The following DOCK8 variants were observed in gnomAD, a reference collection of about 807,000 sequenced individuals.
DOCK8 encodes dedicator of cytokinesis 8.
In DOCK8, 141 loss-of-function variants were observed where a neutral mutation model predicts 245.6. The observed-to-expected ratio is 0.57, with a 90% CI of 0.50 to 0.66. The LOEUF (loss-of-function observed/expected upper bound fraction) is 0.66. Ranked by LOEUF, DOCK8 falls within the 30% of genes least tolerant of loss-of-function variation. The probability of loss-of-function intolerance (pLI) is 0.00; values close to 1 mark genes in which losing one functional copy is unlikely to be tolerated. For missense variants in DOCK8, 2,965 were observed against 2,603.4 expected, an observed-to-expected ratio of 1.14 and a Z score of -3.02; for synonymous variants, 1,168 against 970.2, an observed-to-expected ratio of 1.20 and a Z score of -3.79.
At position 434,762 on chromosome 9, in the gene DOCK8, TCTCA is replaced by T. The variant is rs1366440056; in HGVS notation, c.4887-16_4887-13del. 20 of 1,613,272 alleles carry T rather than the reference TCTCA, an allele frequency of 1.2e-5. No individual in the cohort carries two copies. The East Asian group carries it at 4.5e-4, about 36-fold the overall frequency. On this transcript the variant is annotated splice_polypyrimidine_tract_variant and intron_variant, in intron 38 of 47. Transcript: ENST00000432829. ...TTAACCCACTGTCCTCAAAACTACT[TCTCA>T]CTCAATCTGTCTTCAGAATTGCCAA...
intron 14 of DOCK8, among the ~76,000 whole-genome samples, chr9:357,286 T>C (rs2052490601): frequency 2.0e-5 from 3 of 152,234 alleles, no homozygotes; most frequent in African/African-American, 4.8e-5. Flanking sequence ...AATCAATTCA[T>C]GTTCAAAGAT....
intron 1 of DOCK8, among the ~76,000 whole-genome samples, chr9:244,060 C>T (rs865903891): frequency 2.0e-5 from 3 of 151,824 alleles, no homozygotes; most frequent in Non-Finnish European, 2.9e-5. Context: ...TGGCGGCGAC[C>T]GCTTGTAGTC....
Position 441,349 on chromosome 9 carries a change from C to A in DOCK8, c.5287C>A (p.Arg1763=). 6.2e-7 allele frequency: 1 copy of A among 1,614,184 alleles called. No individual in the cohort carries two copies. Among genetic ancestry groups the A allele is most frequent in the Non-Finnish European group, 8.5e-7 (1 of 1,180,046 alleles). The stretch of plus-strand genomic sequence containing the variant: ...GGTCATCCCCATCCTAGAAGCGCAT[C>A]GAGAATTCCGGAAGCTGACACTCAC... ...KLVIPILEAH[R]EFRKLTLTHS... is the part of the protein sequence containing the mutation. The change falls in exon 41 of 48, where the codon CGA becomes AGA. Residue 1763 remains arginine, a synonymous_variant. Coordinates refer to ENST00000432829, the MANE Select transcript of DOCK8 (RefSeq NM_203447.4).
At chr9:252,791 C>G (rs1459228534) in intron 1 of DOCK8, among the ~76,000 whole-genome samples, 2 of 124,452 alleles carry the variant, frequency 1.6e-5, no homozygotes, top group Non-Finnish European at 3.5e-5. Context: ...GAGCAAGACT[C>G]CATCTCAAAA....
chr9:371,648 A>T, intron 17 of DOCK8, 82 bp downstream of exon 17: 1 of 1,574,946 alleles, frequency 6.3e-7, no homozygotes, highest in Admixed American at 1.8e-5. Context: ...ACCAAATTCT[A>T]TTCACTTGAT....
chr9:344,405 T>G (rs78473664), intron 14 of DOCK8, among the ~76,000 whole-genome samples: 3 of 152,146 alleles, frequency 2.0e-5, no homozygotes, highest in Non-Finnish European at 4.4e-5. Flanking sequence ...TGCTTTAGGG[T>G]GGTTTTGATT....
chr9:257,662 G>A (rs2047812173), intron 1 of DOCK8, among the ~76,000 whole-genome samples: 1 of 152,328 alleles, frequency 6.6e-6, no homozygotes, highest in South Asian at 2.1e-4. Context: ...TGGGATTACA[G>A]GCATGTGCCA....
chr9:422,412 C>T (rs1007404846), intron 33 of DOCK8, among the ~76,000 whole-genome samples: 2 of 152,090 alleles, frequency 1.3e-5, no homozygotes, highest in Non-Finnish European at 2.9e-5. Flanking sequence ...GCTGATTTTG[C>T]AGGGAGGGTA....
intron 22 of DOCK8, among the ~76,000 whole-genome samples, chr9:383,122 G>T (rs7867007): frequency 1.3e-5 from 2 of 152,120 alleles, no homozygotes; most frequent in Non-Finnish European, 2.9e-5. Context: ...AGGAACAGCC[G>T]GGCATGGTGG....
chr9:342,644 AT>A (rs1445322014), intron 14 of DOCK8, among the ~76,000 whole-genome samples: 2 of 151,694 alleles, frequency 1.3e-5, no homozygotes, highest in African/African-American at 2.4e-5. Context: ...TAATTTTTGT[AT>A]TTTTGGTAGA....
intron 33 of DOCK8, among the ~76,000 whole-genome samples, chr9:424,077 T>C (rs200252127): frequency 7.4e-6 from 1 of 135,674 alleles, no homozygotes; most frequent in Non-Finnish European, 1.6e-5. Context: ...TTTTTTTTTT[T>C]AAAAGGGAAA....
chr9:272,231 A>G (rs2048183576), intron 2 of DOCK8, among the ~76,000 whole-genome samples: 1 of 152,148 alleles, frequency 6.6e-6, no homozygotes, highest in Admixed American at 6.5e-5. Context: ...CTCAGTCAAG[A>G]TATAGAACAC....
chr9:400,141 ACCT>A (rs1201344689), intron 26 of DOCK8, among the ~76,000 whole-genome samples: 10 of 88,346 alleles, frequency 1.1e-4, no homozygotes, highest in African/African-American at 6.8e-4. Context: ...CATCACCACC[ACCT>A]CCACCATCAC....
intron 14 of DOCK8, among the ~76,000 whole-genome samples, chr9:367,794 C>G (rs2053079220): frequency 6.6e-6 from 1 of 152,152 alleles, no homozygotes; most frequent in African/African-American, 2.4e-5. Flanking sequence ...GCAGACACAT[C>G]TTTACTTGTA....
chr9:400,403 CCATCACCACCACCACCTCCACCAT>C, intron 26 of DOCK8, among the ~76,000 whole-genome samples: 2 of 62,246 alleles, frequency 3.2e-5, no homozygotes, highest in Non-Finnish European at 6.3e-5. Context: ...ACCACCTCCA[CCATCACCACCACCACCTCCACCAT>C]CACCACCACC....
Position 434,801 on chromosome 9 carries a change from G to A in DOCK8, c.4905G>A (p.Gln1635=), listed in dbSNP as rs776536759. The change falls in exon 39 of 48, where the codon CAG becomes CAA. Residue 1635 remains glutamine (Q), a synonymous_variant. Coordinates refer to ENST00000432829, the MANE Select transcript of DOCK8 (RefSeq NM_203447.4). The part of the protein sequence containing the change: ...DLMYRIAKSY[Q]ASPDLRLTWL... ...TCTTCAGAATTGCCAAGAGTTACCA[G>A]GCATCTCCTGATCTGCGGCTGACCT... 6.2e-7 allele frequency: 1 copy of A among 1,614,120 alleles called. No individual in the cohort carries two copies. The highest frequency in any genetic ancestry group is 8.5e-7 in the Non-Finnish European group (1 of 1,180,048).
At chr9:390,865 T>C (rs533880003) in intron 24 of DOCK8, among the ~76,000 whole-genome samples, 6 of 152,326 alleles carry the variant, frequency 3.9e-5, no homozygotes, top group Non-Finnish European at 7.3e-5. Flanking sequence ...GTATCCATTT[T>C]TGCTCTTGGC....
At chr9:332,353 G>A (rs2051052682) in intron 9 of DOCK8, 45 bp from the exon 10 acceptor site, 1 of 1,329,450 alleles carries the variant, frequency 7.5e-7, no homozygotes, top group South Asian at 1.2e-5. Flanking sequence ...TCCTTTTTAT[G>A]GATGTAATTT....
At chr9:439,174 T>C (rs2057003258) in intron 39 of DOCK8, 71 bp from the exon 40 acceptor site, 3 of 1,602,662 alleles carry the variant, frequency 1.9e-6, no homozygotes, top group African/African-American at 1.3e-5. Flanking sequence ...CGTTTCCCCA[T>C]TCGGGGTTCC....
Sources: allele counts gnomAD v4.1 joint callset (sites outside exome capture counted in the v4.1 genomes callset), GRCh38; gene constraint gnomAD v4.1.1; transcripts MANE v1.5; gene names NCBI Gene and HGNC (gene_info 2026-07-23, HGNC 2026-07-21).